R3HDM2: variants seen among roughly 807,000 people sequenced by gnomAD.
The protein encoded by R3HDM2 is R3H domain-containing protein 2.
R3HDM2 carries 38 observed loss-of-function variants against 124.5 expected under a neutral mutation model. The ratio of observed to expected loss-of-function variants is 0.31; its 90% confidence interval spans 0.24 to 0.40. R3HDM2 has a LOEUF of 0.40. R3HDM2 is among the 10% of genes least tolerant of loss of function. The pLI is 1.00. For synonymous variants in R3HDM2, 391 were observed against 448.0 expected (o/e 0.87, Z 1.61); for missense variants, 869 against 1,236.9 (o/e 0.70, Z 4.46).
In R3HDM2 at chr12:57,256,452, G is replaced by A. The variant is rs1188570448; in HGVS notation, c.2509C>T (p.Pro837Ser). The change falls in exon 22 of 24, where the codon CCC becomes TCC. Residue 837 changes from proline to serine, a missense_variant. Pro to Ser is a moderately conservative substitution (Grantham distance 74). This residue lies in a region of R3HDM2 where 602 missense variants were observed against 789.2 expected (regional missense o/e 0.76). Transcript: ENST00000402412. ...PLQYNLSICP[P>S]LLHGQSTYTV... ...TAAGTTGACTGGCCATGGAGCAAGGGAGGGCAGATGGACAGATTGTACTGT... is the reference window on the plus strand; with the variant it reads ...TAAGTTGACTGGCCATGGAGCAAGGAAGGGCAGATGGACAGATTGTACTGT... 4 of 1,599,684 alleles carry A rather than the reference G, an allele frequency of 2.5e-6. No homozygotes were observed.
intron 1 of R3HDM2, among the ~76,000 whole-genome samples, chr12:57,421,161 C>CTTT (rs58868663): frequency 3.4e-5 from 4 of 119,266 alleles, no homozygotes; most frequent in African/African-American, 3.1e-5. Context: ...CTAACAGATT[C>CTTT]TTTTTTTTTT....
intron 2 of R3HDM2, among the ~76,000 whole-genome samples, chr12:57,380,374 A>G (rs2064683074): frequency 6.6e-6 from 1 of 152,232 alleles, no homozygotes; most frequent in South Asian, 2.1e-4. Flanking sequence ...ACAGATTTAA[A>G]TGACACTAAT....
At chr12:57,273,087 A>G (rs976740544) in intron 14 of R3HDM2, among the ~76,000 whole-genome samples, 1 of 152,104 alleles carries the variant, frequency 6.6e-6, no homozygotes, top group Non-Finnish European at 1.5e-5. Flanking sequence ...GGAAATACTC[A>G]TTCACAAGGA....
intron 2 of R3HDM2, among the ~76,000 whole-genome samples, chr12:57,377,048 T>A (rs2138170119): frequency 6.6e-6 from 1 of 150,778 alleles, no homozygotes; most frequent in African/African-American, 2.4e-5. Context: ...TTGCAATAAA[T>A]CTTGCTGCTG....
At chr12:57,266,587 A>C (rs1011735532) in intron 19 of R3HDM2, 144 bp downstream of exon 19, 7 of 653,442 alleles carry the variant, frequency 1.1e-5, no homozygotes, top group Admixed American at 9.1e-5. Context: ...ACCAGCTAAG[A>C]CTGTTTTTTC....
intron 2 of R3HDM2, among the ~76,000 whole-genome samples, chr12:57,386,722 G>C (rs1482708748): frequency 6.6e-5 from 10 of 152,252 alleles, no homozygotes. Context: ...GGTGAAGCCA[G>C]CTGGGCTCCT....
At chr12:57,274,292 G>A (rs1490044398) in intron 14 of R3HDM2, among the ~76,000 whole-genome samples, 1 of 152,038 alleles carries the variant, frequency 6.6e-6, no homozygotes, top group Non-Finnish European at 1.5e-5. Context: ...TGCCCAACAC[G>A]GTGAAACCCC....
intron 1 of R3HDM2, among the ~76,000 whole-genome samples, chr12:57,396,327 G>C (rs774220839): frequency 7.2e-5 from 11 of 152,066 alleles, no homozygotes; most frequent in Non-Finnish European, 1.2e-4. Flanking sequence ...TGTAATCCTA[G>C]CTGCTGGGGA....
intron 6 of R3HDM2, 139 bp downstream of exon 6, chr12:57,299,213 C>T (rs1173359278): frequency 1.1e-5 from 10 of 935,336 alleles, no homozygotes; most frequent in South Asian, 1.9e-5. Context: ...AAAGTAACCT[C>T]GTTAGGCATC....
chr12:57,280,559 T>C (rs772792462), intron 13 of R3HDM2, 29 bp from the exon 14 acceptor site: 72 of 1,566,180 alleles, frequency 4.6e-5, no homozygotes, highest in Non-Finnish European at 6.0e-5. Flanking sequence ...CCACAAAAAG[T>C]TGTAAGCATA....
intron 1 of R3HDM2, among the ~76,000 whole-genome samples, chr12:57,405,725 A>T (rs2068468177): frequency 6.6e-6 from 1 of 152,192 alleles, no homozygotes; most frequent in African/African-American, 2.4e-5. Context: ...CAAACAAAAA[A>T]TACCTTATTT....
At chr12:57,271,610 A>G (rs1409785278) in intron 14 of R3HDM2, among the ~76,000 whole-genome samples, 2 of 152,228 alleles carry the variant, frequency 1.3e-5, no homozygotes, top group African/African-American at 4.8e-5. Flanking sequence ...TTTGAACTCG[A>G]TATTCCAGGA....
intron 2 of R3HDM2, among the ~76,000 whole-genome samples, chr12:57,339,695 C>CT (rs1593541667): frequency 7.1e-6 from 1 of 141,574 alleles, no homozygotes; most frequent in Non-Finnish European, 1.5e-5. Context: ...AAGACTCCAT[C>CT]TAAAAAAAAA....
intron 2 of R3HDM2, among the ~76,000 whole-genome samples, chr12:57,329,618 A>C (rs962039596): frequency 6.6e-6 from 1 of 152,238 alleles, no homozygotes; most frequent in African/African-American, 2.4e-5. Context: ...TTTTTCTCTT[A>C]TGAGTAACAT....
At chr12:57,389,203 T>C (rs2066315966) in intron 2 of R3HDM2, among the ~76,000 whole-genome samples, 1 of 152,200 alleles carries the variant, frequency 6.6e-6, no homozygotes, top group Non-Finnish European at 1.5e-5. Flanking sequence ...GAAGAGACAT[T>C]CGTTCATGCA....
chr12:57,390,936 C>G (rs867262696), intron 2 of R3HDM2, among the ~76,000 whole-genome samples: 1 of 151,348 alleles, frequency 6.6e-6, no homozygotes, highest in Non-Finnish European at 1.5e-5. Context: ...CACTTGAACC[C>G]GGGAAGCAGA....
chr12:57,295,821 A>G (rs1003811175), intron 9 of R3HDM2, among the ~76,000 whole-genome samples: 7 of 152,224 alleles, frequency 4.6e-5, no homozygotes, highest in Non-Finnish European at 1.0e-4. Flanking sequence ...AATTAATTAT[A>G]TAACCAACCC....
chr12:57,284,312 A>G (rs1004249252), intron 12 of R3HDM2, among the ~76,000 whole-genome samples: 1 of 152,228 alleles, frequency 6.6e-6, no homozygotes. Context: ...ACATCAGACC[A>G]GAGGTGGATG....
At chr12:57,287,198 C>A (rs1242980406) in intron 12 of R3HDM2, among the ~76,000 whole-genome samples, 1 of 152,200 alleles carries the variant, frequency 6.6e-6, no homozygotes, top group African/African-American at 2.4e-5. Context: ...TGTAATCCAG[C>A]TGACCAAATT....
Sources: gnomAD v4.1 joint callset for allele counts (sites outside exome capture counted in the v4.1 genomes callset) on GRCh38, gnomAD v4.1.1 for gene constraint, gnomAD v4.1.1 regional missense constraint, MANE v1.5 for transcripts, NCBI Gene and HGNC (gene_info 2026-07-23, HGNC 2026-07-21) for gene names.